LRFN2: variants seen among roughly 807,000 people sequenced by gnomAD.
The protein encoded by LRFN2 is leucine-rich repeat and fibronectin type-III domain-containing protein 2.
LRFN2 carries 18 observed loss-of-function variants against 37.3 expected under a neutral mutation model. The observed-to-expected ratio is 0.48, with a 90% confidence interval of 0.33 to 0.72. LRFN2 has a LOEUF of 0.72. Among genes scored for constraint, LRFN2 ranks in the 30% least tolerant of loss-of-function variants. The probability of loss-of-function intolerance (pLI) is 0.02; values close to 1 mark genes in which losing one functional copy is unlikely to be tolerated. For synonymous variants in LRFN2, 556 were observed against 466.6 expected (o/e 1.19, Z -2.47); for missense variants, 1,006 against 1,060.7 (o/e 0.95, Z 0.72).
At chr6:40,491,556 C>T (rs953599639) in intron 1 of LRFN2, among the ~76,000 whole-genome samples, 9 of 145,942 alleles carry the variant, frequency 6.2e-5, no homozygotes, top group Non-Finnish European at 1.2e-4. Flanking sequence ...AGGCAGTTTA[C>T]CCTCTCTGAG....
chr6:40,452,333 A>AGT (rs1258534173), intron 1 of LRFN2, among the ~76,000 whole-genome samples: 1 of 152,226 alleles, frequency 6.6e-6, no homozygotes, highest in Non-Finnish European at 1.5e-5. Context: ...TCTTGGGTCA[A>AGT]CCATGCCATA....
intron 2 of LRFN2, among the ~76,000 whole-genome samples, chr6:40,405,704 G>A (rs1018581284): frequency 5.9e-5 from 9 of 152,130 alleles, no homozygotes; most frequent in African/African-American, 1.2e-4. Context: ...TTCAATACTT[G>A]CAGCAGAATG....
intron 1 of LRFN2, among the ~76,000 whole-genome samples, chr6:40,520,050 C>G (rs2281263): frequency 6.6e-6 from 1 of 151,808 alleles, no homozygotes; most frequent in Non-Finnish European, 1.5e-5. Context: ...GGACAGAGTG[C>G]GTGATGAGGC....
intron 2 of LRFN2, among the ~76,000 whole-genome samples, chr6:40,422,489 T>A (rs1763251201): frequency 6.6e-6 from 1 of 151,386 alleles, no homozygotes. Flanking sequence ...CAAAACACAG[T>A]CAGGGTTGGG....
intron 1 of LRFN2, among the ~76,000 whole-genome samples, chr6:40,440,755 C>T (rs1459775756): frequency 1.3e-5 from 2 of 152,140 alleles, no homozygotes; most frequent in Non-Finnish European, 2.9e-5. Flanking sequence ...TTCTACAGGC[C>T]CCTAGGAGGG....
chr6:40,555,959 T>G (rs1440256495), intron 1 of LRFN2, among the ~76,000 whole-genome samples: 2 of 151,622 alleles, frequency 1.3e-5, no homozygotes, highest in Non-Finnish European at 2.9e-5. Flanking sequence ...TCAGAACTCC[T>G]GAAGAACAAG....
At position 40,499,276 on chromosome 6, in the gene LRFN2, G is replaced by A. The variant is rs145394604; in HGVS notation, c.-18-66145C>T. On this transcript the variant is annotated intron_variant, in intron 1 of 2. Coordinates refer to ENST00000338305, the MANE Select transcript of LRFN2 (RefSeq NM_020737.3). ...CCATCTCCCCAGCCCTGATGATGCC[G>A]TTCAAGACATTTCCCAGGTTCCCCA... Among the ~76,000 whole-genome samples, 303 of 152,242 alleles carry A rather than the reference G, an allele frequency of 2.0e-3. 2 individuals carry two copies. Among genetic ancestry groups the A allele is most frequent in the African/African-American group, 6.9e-3 (285 of 41,546 alleles).
rs1393322116 is a variant in LRFN2 at position 40,392,976 on chromosome 6, G to A, written c.1401-64C>T. Reference sequence around the variant, plus strand: ...GGGTGGAAGGACAGGGTGATGGGGAGTGGACAGAGGTAGAAACAGAGTGAC... The same window carrying A: ...GGGTGGAAGGACAGGGTGATGGGGAATGGACAGAGGTAGAAACAGAGTGAC... On this transcript the variant is annotated intron_variant, in intron 2 of 2. Transcript: ENST00000338305. This position sits in a 1 kb window ranked among gnomAD's most constrained non-coding sequence, Gnocchi z 4.7. 4.7e-6 allele frequency: 7 copies of A among 1,486,542 alleles called. No individual in the cohort carries two copies. In the African/African-American group the frequency reaches 9.8e-5, roughly 21 times the overall value. 92.1% of individuals were successfully genotyped at this position (1,486,542 alleles called of 1,614,324 possible). A position where few individuals can be genotyped will look rare whatever the true frequency, so the allele number is the denominator to read the frequency against.
chr6:40,493,304 G>A (rs1353970559), intron 1 of LRFN2, among the ~76,000 whole-genome samples: 1 of 152,076 alleles, frequency 6.6e-6, no homozygotes, highest in Non-Finnish European at 1.5e-5. Flanking sequence ...CTCTGTACTT[G>A]GAGTCCTGAC....
chr6:40,567,259 C>T (rs1429546517), intron 1 of LRFN2, among the ~76,000 whole-genome samples: 1 of 152,114 alleles, frequency 6.6e-6, no homozygotes, highest in Non-Finnish European at 1.5e-5. Context: ...TCCCTGGATT[C>T]CAATGAGGAA....
intron 1 of LRFN2, among the ~76,000 whole-genome samples, chr6:40,490,515 T>C (rs574328710): frequency 6.6e-6 from 1 of 152,302 alleles, no homozygotes; most frequent in South Asian, 2.1e-4. Context: ...GAAAAGATTT[T>C]CAAGGCACTC....
chr6:40,530,069 T>C (rs1766318789), intron 1 of LRFN2, among the ~76,000 whole-genome samples: 1 of 152,150 alleles, frequency 6.6e-6, no homozygotes, highest in Admixed American at 6.5e-5. Context: ...CAAGGGGAAA[T>C]GCAGGCCCAG....
chr6:40,427,855 C>G (rs150729466), intron 2 of LRFN2, among the ~76,000 whole-genome samples: 8 of 152,180 alleles, frequency 5.3e-5, no homozygotes, highest in Middle Eastern at 3.2e-3. Flanking sequence ...AGTCCTTACT[C>G]ACCTACATGG....
chr6:40,430,911 G>A (rs573622948), intron 2 of LRFN2, among the ~76,000 whole-genome samples: 4 of 152,298 alleles, frequency 2.6e-5, no homozygotes, highest in African/African-American at 9.6e-5. Flanking sequence ...GCTGCTTAGA[G>A]GACCCAGCAG....
chr6:40,578,955 T>A (rs1242864917), intron 1 of LRFN2, among the ~76,000 whole-genome samples: 1 of 152,204 alleles, frequency 6.6e-6, no homozygotes, highest in Non-Finnish European at 1.5e-5. Context: ...TTTTGGTGCC[T>A]AAATGTTCCC....
chr6:40,555,106 A>G (rs1457784203), intron 1 of LRFN2, among the ~76,000 whole-genome samples: 1 of 152,208 alleles, frequency 6.6e-6, no homozygotes, highest in East Asian at 1.9e-4. Flanking sequence ...TCTTTTTGCC[A>G]GCTTTAGAAA....
chr6:40,520,983 C>A (rs1049774084), intron 1 of LRFN2, among the ~76,000 whole-genome samples: 1 of 152,096 alleles, frequency 6.6e-6, no homozygotes, highest in Non-Finnish European at 1.5e-5. Context: ...ACAGGCCAGG[C>A]GGGAGAAGCC....
At chr6:40,549,813 G>T (rs539639002) in intron 1 of LRFN2, among the ~76,000 whole-genome samples, 3 of 152,010 alleles carry the variant, frequency 2.0e-5, no homozygotes, top group Non-Finnish European at 2.9e-5. Flanking sequence ...CGAGGCAGGC[G>T]GATCACCTGA....
chr6:40,523,862 G>T (rs1328448149), intron 1 of LRFN2: 1 of 152,208 alleles, frequency 6.6e-6, no homozygotes, highest in Non-Finnish European at 1.5e-5. Context: ...GAACAGGTGA[G>T]TTGACTGGCC....
Sources: allele counts gnomAD v4.1 joint callset (sites outside exome capture counted in the v4.1 genomes callset), GRCh38; gene constraint gnomAD v4.1.1; non-coding constraint Gnocchi (gnomAD v3.1); transcripts MANE v1.5; gene names NCBI Gene and HGNC (gene_info 2026-07-23, HGNC 2026-07-21).